Variants in INPPL1 observed in about 807,000 individuals in gnomAD.
INPPL1 encodes the protein inositol polyphosphate phosphatase like 1.
Under a neutral mutation model 139.3 loss-of-function variants are expected in INPPL1, and 91 were observed. The observed-to-expected ratio is 0.65, with a 90% CI of 0.55 to 0.78. The LOEUF (loss-of-function observed/expected upper bound fraction) is 0.78, where lower values mean the gene tolerates loss of function less well. Among genes scored for constraint, INPPL1 ranks in the 30% least tolerant of loss-of-function variants. INPPL1 has a pLI of 0.00. For missense variants in INPPL1, 1,411 were observed against 1,665.6 expected (o/e 0.85, Z 2.66); for synonymous variants, 719 against 686.6 (o/e 1.05, Z -0.74).
rs751406115 is a variant in INPPL1 at position 72,237,561 on chromosome 11, C to A, written c.3317C>A (p.Ala1106Asp). The change falls in exon 26 of 28, where the codon GCC (alanine) becomes GAC (aspartate). Residue 1106 changes from alanine (A) to aspartate (D), a missense_variant. This residue lies in a region of INPPL1 where 438 missense variants were observed against 425.7 expected (regional missense o/e 1.03). Coordinates refer to ENST00000298229, the MANE Select transcript of INPPL1 (RefSeq NM_001567.4). ...CCACTGCCCCCAGGCCCCTCACCAG[C>A]CAGCACTTTCCTGGGGGAAGTGGCC... is the stretch of plus-strand genomic sequence containing the variant. ...RPPLPPGPSP[A>D]STFLGEVASG... is the part of the protein sequence containing the mutation. The A allele has an allele frequency of 2.5e-6, 4 of 1,598,236 alleles. No homozygotes were observed. The highest frequency in any genetic ancestry group is 3.4e-6 in the Non-Finnish European group (4 of 1,169,864).
chr11:72,226,893 G>A (rs192618018), intron 1 of INPPL1, among the ~76,000 whole-genome samples: 299 of 152,226 alleles, frequency 2.0e-3, no homozygotes, highest in Non-Finnish European at 3.6e-3. Context: ...GTCCCAGGAG[G>A]GGGAGAATCC....
rs1591289187 is a variant in INPPL1 at position 72,237,990 on chromosome 11, G to T, written c.3553-52G>T. 6.0e-6 allele frequency: 9 copies of T among 1,506,336 alleles called. No individual in the cohort carries two copies. The South Asian group carries it at 1.1e-4, about 18-fold the overall frequency. The allele number at this position is 1,506,336 out of a possible 1,614,324, so 93.3% of individuals were successfully genotyped here. On this transcript the variant is annotated intron_variant, in intron 26 of 27. Transcript: ENST00000298229. ...GAGCATGCAGCAGAATGTGACTGCA[G>T]GTGTTTCTATGGGGGGCACTCAGCT...
At chr11:72,231,290 C>T in intron 12 of INPPL1, 101 bp downstream of exon 12, 1 of 1,187,160 alleles carries the variant, frequency 8.4e-7, no homozygotes, top group African/African-American at 1.5e-5. Flanking sequence ...GCTTCACTGG[C>T]TTTTTCTCTG....
chr11:72,230,193 G>T lies in INPPL1; in HGVS notation c.1012G>T (p.Val338Leu), dbSNP rs774932133. ...KSQKFTLSVD[V>L]EGGRLVLLRR... ...ACAGAAGTTCACGCTGAGCGTGGAT[G>T]TGGAGGGTGGGCGGCTGGTGCTGCT... is the stretch of plus-strand genomic sequence containing the variant. The change falls in exon 9 of 28, where the codon GTG (valine) becomes TTG (leucine). Residue 338 changes from valine to leucine, a missense_variant. Physicochemically the swap from Val to Leu is conservative, Grantham distance 32. Coordinates refer to ENST00000298229, the MANE Select transcript of INPPL1 (RefSeq NM_001567.4). The T allele has an allele frequency of 7.8e-5, 126 of 1,612,514 alleles. No individual in the cohort carries two copies. Among genetic ancestry groups the T allele is most frequent in the Non-Finnish European group, 1.0e-4 (121 of 1,179,006 alleles).
rs774840284 is a variant in INPPL1, at chr11:72,237,104, C to T, written c.2880-20C>T. 5 of 1,553,936 alleles carry T rather than the reference C, an allele frequency of 3.2e-6. No individual in the cohort carries two copies. Among genetic ancestry groups the T allele is most frequent in the Non-Finnish European group, 4.4e-6 (5 of 1,147,890 alleles). On this transcript the variant is annotated intron_variant, in intron 25 of 27. Coordinates refer to ENST00000298229, the MANE Select transcript of INPPL1 (RefSeq NM_001567.4). Reference sequence around the variant, plus strand: ...CTGGGTTCCTGGATCCTGGCTTAGTCGTTCTGCTTCCACACCCAGGTTGAA... The same window carrying T: ...CTGGGTTCCTGGATCCTGGCTTAGTTGTTCTGCTTCCACACCCAGGTTGAA...
intron 25 of INPPL1, 52 bp from the exon 26 acceptor site, chr11:72,237,072 C>A: frequency 2.7e-6 from 4 of 1,508,358 alleles, no homozygotes; most frequent in Non-Finnish European, 3.6e-6. Context: ...CTTCCACTGC[C>A]TTAGACCTGG....
At position 72,237,504 on chromosome 11, in the gene INPPL1, G is replaced by A. The variant is rs1349798484; in HGVS notation, c.3260G>A (p.Gly1087Asp). Residue 1087 changes from glycine to aspartate, a missense_variant, in exon 26 of 28, where the codon GGC (glycine) becomes GAC (aspartate). Physicochemically the swap from Gly to Asp is moderately conservative, Grantham distance 94. Around this residue, in one of 5 missense-constraint regions of INPPL1, gnomAD observed 438 missense variants for 425.7 expected, o/e 1.03. Coordinates refer to ENST00000298229, the MANE Select transcript of INPPL1 (RefSeq NM_001567.4). ...VRGRGGAEAR[G>D]PPPPKAHPRP... ...GGCCGTGGTGGGGCTGAGGCCCGTG[G>A]CCCACCACCTCCCAAGGCCCATCCA... is the stretch of plus-strand genomic sequence containing the variant. 6.2e-7 allele frequency: 1 copy of A among 1,609,118 alleles called. No individual in the cohort carries two copies. The highest frequency in any genetic ancestry group is 1.7e-5 in the Admixed American group (1 of 59,850).
Position 72,234,918 on chromosome 11 carries a change from G to A in INPPL1, c.2416-198G>A, listed in dbSNP as rs1948942503. Among the ~76,000 whole-genome samples, 1 of 152,172 alleles carries A rather than the reference G, an allele frequency of 6.6e-6. No homozygotes were observed. The highest frequency in any genetic ancestry group is 2.4e-5 in the African/African-American group (1 of 41,438). ...CTATTGAGAAAATTAATTAGTTACA[G>A]TGATGCTAGGTGCTGTAAAAGGCCT... On this transcript the variant is annotated intron_variant, in intron 21 of 27. Coordinates refer to ENST00000298229, the MANE Select transcript of INPPL1 (RefSeq NM_001567.4). The surrounding 1 kb of genome is among the most constrained non-coding windows in gnomAD (Gnocchi z 4.2).
rs1250873653 is a variant in INPPL1, at chr11:72,235,412, G to A, written c.2620G>A (p.Val874Met). 1 of 1,613,566 alleles carries A rather than the reference G, an allele frequency of 6.2e-7. No homozygotes were observed. The highest frequency in any genetic ancestry group is 8.5e-7 in the Non-Finnish European group (1 of 1,180,012). ...TATCAGAGGCTCCATGAAGGTGCGGGTGCCCACGGAGCGCCTGGGCACCCG... is the reference window on the plus strand; with the variant it reads ...TATCAGAGGCTCCATGAAGGTGCGGATGCCCACGGAGCGCCTGGGCACCCG... Reference protein sequence around the residue: ...GNIRGSMKVRVPTERLGTRER... With the variant: ...GNIRGSMKVRMPTERLGTRER... The change falls in exon 23 of 28, where the codon GTG (valine) becomes ATG (methionine). Residue 874 changes from valine to methionine, a missense_variant. Physicochemically the swap from Val to Met is conservative, Grantham distance 21. Around this residue, in one of 5 missense-constraint regions of INPPL1, gnomAD observed 99 missense variants for 171.6 expected, o/e 0.58. Transcript: ENST00000298229. The surrounding 1 kb of genome is among the most constrained non-coding windows in gnomAD (Gnocchi z 4.9).
In INPPL1 at chr11:72,229,248, C is replaced by T. The variant is rs201754512; in HGVS notation, c.659+18C>T. ...CTGCACAGGTATCTGGGACATCCAGCCCCATGTATTACACCCTTACCTCTG... is the reference window on the plus strand; with the variant it reads ...CTGCACAGGTATCTGGGACATCCAGTCCCATGTATTACACCCTTACCTCTG... On this transcript the variant is annotated intron_variant, in intron 5 of 27. Transcript: ENST00000298229. 2 of 1,594,014 alleles carry T rather than the reference C, an allele frequency of 1.3e-6. No individual in the cohort carries two copies. The highest frequency in any genetic ancestry group is 2.2e-5 in the East Asian group (1 of 44,638).
At chr11:72,225,339 A>G (rs1948640203) in intron 1 of INPPL1, 173 bp downstream of exon 1, 11 of 985,382 alleles carry the variant, frequency 1.1e-5, no homozygotes, top group Non-Finnish European at 1.3e-5. Flanking sequence ...ACGCAGGGGC[A>G]CTTCCTGCTG....
chr11:72,233,645 C>T lies in INPPL1; in HGVS notation c.2123-10C>T, dbSNP rs951988301. ...CCCCCTGAGTCCCCATTCCTATCCC[C>T]TCTCCCCAGGTTGCACTGATGACAT... On this transcript the variant is annotated splice_polypyrimidine_tract_variant and intron_variant, in intron 18 of 27. Coordinates refer to ENST00000298229, the MANE Select transcript of INPPL1 (RefSeq NM_001567.4). 20 of 1,613,560 alleles carry T rather than the reference C, an allele frequency of 1.2e-5. No homozygotes were observed. Among genetic ancestry groups the T allele is most frequent in the Middle Eastern group, 1.6e-4 (1 of 6,080 alleles).
rs1389183725 is a variant in INPPL1, at chr11:72,233,486, TC to T, written c.2088del (p.Tyr697ThrfsTer61). The T allele has an allele frequency of 6.2e-7, 1 of 1,613,996 alleles. No individual in the cohort carries two copies. Among genetic ancestry groups the T allele is most frequent in the African/African-American group, 1.3e-5 (1 of 74,914 alleles). ...PSWCDRILWK[S>X]YPETHIICNS... ...ATGGTGTGACCGGATTCTGTGGAAA[TC>T]CTACCCTGAAACTCACATCATCTGC... On this transcript the variant is annotated frameshift_variant, in exon 18 of 28. Coordinates refer to ENST00000298229, the MANE Select transcript of INPPL1 (RefSeq NM_001567.4). LOFTEE classifies it high-confidence loss of function.
intron 15 of INPPL1, 33 bp from the exon 16 acceptor site, chr11:72,232,842 G>A: frequency 6.2e-7 from 1 of 1,613,780 alleles, no homozygotes; most frequent in Non-Finnish European, 8.5e-7. Flanking sequence ...GGCTCCGGAG[G>A]AATGTTTCTA....
At chr11:72,231,339 C>G in intron 12 of INPPL1, 150 bp downstream of exon 12, 2 of 943,386 alleles carry the variant, frequency 2.1e-6, no homozygotes, top group Non-Finnish European at 3.3e-6. Context: ...GACCTGAGTC[C>G]TTCATGCCAC....
rs1948759505 is a variant in INPPL1 at position 72,229,185 on chromosome 11, C to T, written c.614C>T (p.Pro205Leu). 1.2e-6 allele frequency: 2 copies of T among 1,613,584 alleles called. No homozygotes were observed. The highest frequency in any genetic ancestry group is 1.7e-5 in the Admixed American group (1 of 59,964). The change falls in exon 5 of 28, where the codon CCC (proline) becomes CTC (leucine). Residue 205 changes from proline to leucine, a missense_variant. Pro to Leu is a moderately conservative substitution (Grantham distance 98). This residue lies in a region of INPPL1 where 504 missense variants were observed against 595.6 expected (regional missense o/e 0.85). Transcript: ENST00000298229. ...GTGAGGGGTGGAGCCAGCCACCTGCCCCACCTCACCCGTACCCTCGCTACC... is the reference window on the plus strand; with the variant it reads ...GTGAGGGGTGGAGCCAGCCACCTGCTCCACCTCACCCGTACCCTCGCTACC... ...EAVRGGASHL[P>L]HLTRTLATSC...
In INPPL1 at chr11:72,229,239, G is replaced by A; in HGVS notation, c.659+9G>A. ...TGCCGGAGGCTGCACAGGTATCTGGGACATCCAGCCCCATGTATTACACCC... is the reference window on the plus strand; with the variant it reads ...TGCCGGAGGCTGCACAGGTATCTGGAACATCCAGCCCCATGTATTACACCC... On this transcript the variant is annotated intron_variant, in intron 5 of 27. Coordinates refer to ENST00000298229, the MANE Select transcript of INPPL1 (RefSeq NM_001567.4). 1 of 1,601,448 alleles carries A rather than the reference G, an allele frequency of 6.2e-7. No individual in the cohort carries two copies. Among genetic ancestry groups the A allele is most frequent in the Non-Finnish European group, 8.5e-7 (1 of 1,172,948 alleles).
At position 72,228,048 on chromosome 11, in the gene INPPL1, C is replaced by T; in HGVS notation, c.183-142C>T. ...GGAAGTGGACCGGCCACATCATTAACCCTGTGCAGCCTGGGCAGGTGGTTT... is the reference window on the plus strand; with the variant it reads ...GGAAGTGGACCGGCCACATCATTAATCCTGTGCAGCCTGGGCAGGTGGTTT... On this transcript the variant is annotated intron_variant, in intron 1 of 27. Transcript: ENST00000298229. The surrounding 1 kb of genome is among the most constrained non-coding windows in gnomAD (Gnocchi z 5.0). The T allele has an allele frequency of 1.3e-6, 1 of 773,238 alleles. No homozygotes were observed. The highest frequency in any genetic ancestry group is 2.2e-6 in the Non-Finnish European group (1 of 450,064). The allele number at this position is 773,238 out of a possible 1,614,324, so 47.9% of individuals were successfully genotyped here.
In INPPL1 at chr11:72,234,750, T is replaced by A. The variant is rs1174576119; in HGVS notation, c.2415+135T>A. 1.9e-5 allele frequency: 12 copies of A among 645,486 alleles called. No individual in the cohort carries two copies. The African/African-American group carries it at 2.0e-4, about 11-fold the overall frequency. The allele number at this position is 645,486 out of a possible 1,614,324, so 40.0% of individuals were successfully genotyped here. A position where few individuals can be genotyped will look rare whatever the true frequency, so the allele number is the denominator to read the frequency against. ...GAGAGAGAGTGTGTGTGTGTGTGTG[T>A]GTGTGTGTGTGTGTATGGGCATGGG... On this transcript the variant is annotated intron_variant, in intron 21 of 27. Coordinates refer to ENST00000298229, the MANE Select transcript of INPPL1 (RefSeq NM_001567.4). This position sits in a 1 kb window ranked among gnomAD's most constrained non-coding sequence, Gnocchi z 4.2.
Sources: gnomAD v4.1 joint callset for allele counts (sites outside exome capture counted in the v4.1 genomes callset) on GRCh38, gnomAD v4.1.1 for gene constraint, gnomAD v4.1.1 regional missense constraint, Gnocchi (gnomAD v3.1) non-coding constraint, MANE v1.5 for transcripts, NCBI Gene and HGNC (gene_info 2026-07-23, HGNC 2026-07-21) for gene names.